The following LAMA2 variants were observed in gnomAD, a reference collection of about 807,000 sequenced individuals.
The protein encoded by LAMA2 is laminin subunit alpha 2.
Under a neutral mutation model 364.8 loss-of-function variants are expected in LAMA2, and 269 were observed. That is an observed-to-expected ratio of 0.74 (90% CI 0.67 to 0.82). LAMA2 has a LOEUF of 0.82. Ranked by LOEUF, LAMA2 falls within the 40% of genes least tolerant of loss-of-function variation. LAMA2 has a pLI of 0.00. For synonymous variants in LAMA2, 1,379 were observed against 1,370.6 expected, an observed-to-expected ratio of 1.01 and a Z score of -0.14; for missense variants, 3,807 against 3,873.2, an observed-to-expected ratio of 0.98 and a Z score of 0.45.
chr6:129,144,357 A>G (rs1231725717), intron 5 of LAMA2, among the ~76,000 whole-genome samples: 1 of 151,960 alleles, frequency 6.6e-6, no homozygotes, highest in African/African-American at 2.4e-5. Context: ...GAGAATCACA[A>G]TGTCTACTTA....
chr6:129,074,318 C>G (rs1169195554), intron 3 of LAMA2, among the ~76,000 whole-genome samples: 1 of 152,196 alleles, frequency 6.6e-6, no homozygotes, highest in African/African-American at 2.4e-5. Context: ...GAATGTAGGT[C>G]TCATTTCTCT....
chr6:129,288,159 G>A (rs948673631), intron 19 of LAMA2, 101 bp downstream of exon 19: 11 of 950,078 alleles, frequency 1.2e-5, no homozygotes, highest in Non-Finnish European at 1.4e-5. Context: ...GAAATTATGT[G>A]GAATACATGG....
At chr6:129,404,222 A>G (rs1333740353) in intron 40 of LAMA2, among the ~76,000 whole-genome samples, 1 of 152,210 alleles carries the variant, frequency 6.6e-6, no homozygotes, top group African/African-American at 2.4e-5. Context: ...TCACAAAATA[A>G]AACAGGCAAA....
At chr6:129,120,831 AC>A (rs1776763336) in intron 4 of LAMA2, among the ~76,000 whole-genome samples, 2 of 144,566 alleles carry the variant, frequency 1.4e-5, no homozygotes, top group Admixed American at 6.7e-5. Flanking sequence ...GGCAAAAGAT[AC>A]GGGAAAATGT....
At position 129,402,483 on chromosome 6, in the gene LAMA2, G is replaced by A. The variant is rs1485716466; in HGVS notation, c.5722G>A (p.Asp1908Asn). Residue 1908 changes from aspartate (D) to asparagine (N), a missense_variant, in exon 39 of 65, where the codon GAT (aspartate) becomes AAT (asparagine). Physicochemically the swap from Asp to Asn is conservative, Grantham distance 23. Coordinates refer to ENST00000421865, the MANE Select transcript of LAMA2 (RefSeq NM_000426.4). ...AQLNDSSAVL[D>N]GILDEAKNIS... The stretch of plus-strand genomic sequence containing the variant: ...GTTGAATGACTCATCTGCTGTCCTT[G>A]ATGGGTATGTCATTTGTTTTTGGAA... 12 of 1,614,054 alleles carry A rather than the reference G, an allele frequency of 7.4e-6. No homozygotes were observed. Among genetic ancestry groups the A allele is most frequent in the Non-Finnish European group, 1.0e-5 (12 of 1,179,976 alleles).
At chr6:129,223,043 T>C (rs1783979385) in intron 12 of LAMA2, among the ~76,000 whole-genome samples, 1 of 152,166 alleles carries the variant, frequency 6.6e-6, no homozygotes, top group Admixed American at 6.5e-5. Context: ...GTCTAACTGG[T>C]GTAGGATGGT....
intron 4 of LAMA2, among the ~76,000 whole-genome samples, chr6:129,103,543 A>G (rs529553569): frequency 6.6e-6 from 1 of 152,270 alleles, no homozygotes; most frequent in Admixed American, 6.5e-5. Flanking sequence ...GCATTTAGTC[A>G]CTGATCTGTG....
At chr6:128,883,429 G>A (rs2114358122) in intron 1 of LAMA2, 72 bp downstream of exon 1, 1 of 1,542,156 alleles carries the variant, frequency 6.5e-7, no homozygotes, top group Non-Finnish European at 8.7e-7. Flanking sequence ...CCACTCTTCC[G>A]AGAGTTGCTG....
chr6:129,013,582 A>G (rs1362218457), intron 1 of LAMA2, among the ~76,000 whole-genome samples: 2 of 152,174 alleles, frequency 1.3e-5, no homozygotes, highest in South Asian at 2.1e-4. Context: ...GAGAAATCCA[A>G]TGTCTCTATT....
At chr6:129,259,638 G>A (rs1786980575) in intron 14 of LAMA2, among the ~76,000 whole-genome samples, 2 of 152,024 alleles carry the variant, frequency 1.3e-5, no homozygotes, top group African/African-American at 4.8e-5. Flanking sequence ...AACAGTCAAT[G>A]AAAATAGGTT....
In LAMA2 at chr6:129,456,323, G is replaced by A. The variant is rs760985892; in HGVS notation, c.6708-12G>A. On this transcript the variant is annotated splice_polypyrimidine_tract_variant and intron_variant, in intron 47 of 64. Coordinates refer to ENST00000421865, the MANE Select transcript of LAMA2 (RefSeq NM_000426.4). The stretch of plus-strand genomic sequence containing the variant: ...ATGTTCCTCCCCTTCACTTCAACAC[G>A]TACCCTTGAAGAACTGGGAGAAATG... 5.6e-6 allele frequency: 9 copies of A among 1,612,130 alleles called. No individual in the cohort carries two copies. The highest frequency in any genetic ancestry group is 3.3e-5 in the South Asian group (3 of 91,044).
At chr6:129,328,434 G>A in intron 29 of LAMA2, 22 bp downstream of exon 29, 2 of 1,614,026 alleles carry the variant, frequency 1.2e-6, no homozygotes, top group Non-Finnish European at 1.7e-6. Flanking sequence ...AGCCTTCCTT[G>A]AACAAGGTCC....
intron 41 of LAMA2, among the ~76,000 whole-genome samples, chr6:129,433,357 T>G (rs937880526): frequency 2.0e-5 from 3 of 152,190 alleles, no homozygotes; most frequent in African/African-American, 7.2e-5. Context: ...TCTTCCTCAC[T>G]CGGGTGCTCT....
chr6:129,149,683 AAGTCGGCCT>A (rs1778680037), intron 7 of LAMA2, among the ~76,000 whole-genome samples: 3 of 152,158 alleles, frequency 2.0e-5, no homozygotes, highest in African/African-American at 7.2e-5. Flanking sequence ...ATAAGATATA[AAGTCGGCCT>A]TCCATATCCA....
At chr6:129,509,205 A>AT (rs371427954) in intron 62 of LAMA2, among the ~76,000 whole-genome samples, 1 of 151,968 alleles carries the variant, frequency 6.6e-6, no homozygotes, top group Non-Finnish European at 1.5e-5. Flanking sequence ...GGATTATTAG[A>AT]TTTTTTTCCT....
At chr6:129,226,382 A>G (rs1427611344) in intron 12 of LAMA2, among the ~76,000 whole-genome samples, 1 of 152,158 alleles carries the variant, frequency 6.6e-6, no homozygotes, top group Non-Finnish European at 1.5e-5. Context: ...TTATGATGTT[A>G]GCTGGTTATT....
At chr6:129,497,157 G>C (rs57876406) in intron 58 of LAMA2, among the ~76,000 whole-genome samples, 2,294 of 152,208 alleles carry the variant, frequency 0.015, 61 homozygotes, top group African/African-American at 0.052. Flanking sequence ...GATATGTAAT[G>C]ATGATATATA....
chr6:129,375,705 A>G (rs1034106825), intron 34 of LAMA2, among the ~76,000 whole-genome samples: 1 of 152,090 alleles, frequency 6.6e-6, no homozygotes, highest in African/African-American at 2.4e-5. Flanking sequence ...ACTGTATAAC[A>G]CTTTCTTTGG....
chr6:129,240,634 A>G (rs1430812617), intron 12 of LAMA2, among the ~76,000 whole-genome samples: 1 of 152,210 alleles, frequency 6.6e-6, no homozygotes, highest in Non-Finnish European at 1.5e-5. Flanking sequence ...AATTGATCAC[A>G]GTGCTCTGGA....
Sources: allele counts gnomAD v4.1 joint callset (sites outside exome capture counted in the v4.1 genomes callset), GRCh38; gene constraint gnomAD v4.1.1; transcripts MANE v1.5; gene names NCBI Gene and HGNC (gene_info 2026-07-23, HGNC 2026-07-21).